Variants in ANKHD1 observed in about 807,000 individuals in gnomAD.
ANKHD1 encodes ankyrin repeat and KH domain containing 1.
ANKHD1 carries 31 observed loss-of-function variants against 230.5 expected under a neutral mutation model. That is an observed-to-expected ratio of 0.13 (90% CI 0.10 to 0.18). ANKHD1 has a LOEUF of 0.18. Among genes scored for constraint, ANKHD1 ranks in the 10% least tolerant of loss-of-function variants. ANKHD1 has a pLI of 1.00. For missense variants in ANKHD1, 2,256 were observed against 3,071.3 expected (o/e 0.73, Z 6.27); for synonymous variants, 1,074 against 1,117.6 (o/e 0.96, Z 0.78).
At chr5:140,535,291 G>T in intron 29 of ANKHD1, 71 bp from the exon 30 acceptor site, 1 of 1,492,318 alleles carries the variant, frequency 6.7e-7, no homozygotes, top group South Asian at 1.4e-5. Flanking sequence ...TCTCACTTTG[G>T]TGGAAGTCTT....
At position 140,529,679 on chromosome 5, in the gene ANKHD1, G is replaced by A; in HGVS notation, c.6733G>A (p.Val2245Ile). 1 of 1,614,186 alleles carries A rather than the reference G, an allele frequency of 6.2e-7. No individual in the cohort carries two copies. Among genetic ancestry groups the A allele is most frequent in the Non-Finnish European group, 8.5e-7 (1 of 1,180,046 alleles). The change falls in exon 29 of 34, where the codon GTT (valine) becomes ATT (isoleucine). Residue 2245 changes from valine to isoleucine, a missense_variant. By Grantham distance (29) the Val-to-Ile change is conservative. Transcript: ENST00000360839. ...SRVATDASFT[V>I]QSAFLGNSVL... ...AGTTGCTACAGATGCCTCTTTCACTGTTCAGTCAGCGTTCCTGGGTAACTC... is the reference window on the plus strand; with the variant it reads ...AGTTGCTACAGATGCCTCTTTCACTATTCAGTCAGCGTTCCTGGGTAACTC...
intron 10 of ANKHD1, among the ~76,000 whole-genome samples, chr5:140,469,632 C>G (rs1193271820): frequency 2.0e-5 from 3 of 151,994 alleles, no homozygotes; most frequent in African/African-American, 7.2e-5. Flanking sequence ...TGTGAAGACA[C>G]CATTTACAAA....
At position 140,449,230 on chromosome 5, in the gene ANKHD1, C is replaced by G. The variant is rs1389344601; in HGVS notation, c.1167C>G (p.Arg389=). 1 of 1,612,794 alleles carries G rather than the reference C, an allele frequency of 6.2e-7. No homozygotes were observed. Among genetic ancestry groups the G allele is most frequent in the Non-Finnish European group, 8.5e-7 (1 of 1,179,382 alleles). ...TTCAAGGCCATTTGGATATGGTTCG[C>G]TTTCTACTTGAAGCTGGTGCAGATC... ...ACYKGHLDMV[R]FLLEAGADQE... is the part of the protein sequence containing the mutation. Residue 389 remains arginine (R), a synonymous_variant, in exon 7 of 34, where the codon CGC becomes CGG. Coordinates refer to ENST00000360839, the MANE Select transcript of ANKHD1 (RefSeq NM_017747.3).
At chr5:140,463,090 C>T (rs1208545499) in intron 9 of ANKHD1, among the ~76,000 whole-genome samples, 1 of 152,044 alleles carries the variant, frequency 6.6e-6, no homozygotes, top group African/African-American at 2.4e-5. Context: ...CTCAAGCAGT[C>T]CTCTCACTTT....
chr5:140,526,408 A>C lies in ANKHD1; in HGVS notation c.4905A>C (p.Glu1635Asp). ...CACTGCTCCTTCATTCCCAAGAAGA[A>C]AAGACAAGTACTGCTACTTCCAAAA... ...YPSLLLHSQE[E>D]KTSTATSKTQ... The change falls in exon 26 of 34, where the codon GAA becomes GAC. Residue 1635 changes from glutamate (E) to aspartate (D), a missense_variant. Physicochemically the swap from Glu to Asp is conservative, Grantham distance 45. Transcript: ENST00000360839. The C allele has an allele frequency of 2.5e-6, 4 of 1,613,710 alleles. No homozygotes were observed. Among genetic ancestry groups the C allele is most frequent in the Non-Finnish European group, 2.5e-6 (3 of 1,179,864 alleles).
Position 140,459,503 on chromosome 5 carries a change from G to C in ANKHD1, c.1672+148G>C, listed in dbSNP as rs1320756068. The C allele has an allele frequency of 4.7e-6, 5 of 1,054,574 alleles. No individual in the cohort carries two copies. The African/African-American group carries it at 8.1e-5, about 17-fold the overall frequency. The allele number at this position is 1,054,574 out of a possible 1,614,324, so 65.3% of individuals were successfully genotyped here. On this transcript the variant is annotated intron_variant, in intron 9 of 33. Transcript: ENST00000360839. ...TGAGGGTGGGAGGAGAGTACACAAGGAGAGGGGAAATGTTGATCAAAGGGT... is the reference window on the plus strand; with the variant it reads ...TGAGGGTGGGAGGAGAGTACACAAGCAGAGGGGAAATGTTGATCAAAGGGT...
rs1219524703 is a variant in ANKHD1 at position 140,402,092 on chromosome 5, G to A, written c.125G>A (p.Arg42His). 3.3e-6 allele frequency: 5 copies of A among 1,517,116 alleles called. No homozygotes were observed. The highest frequency in any genetic ancestry group is 2.5e-5 in the East Asian group (1 of 39,700). The allele number at this position is 1,517,116 out of a possible 1,614,324, so 94.0% of individuals were successfully genotyped here. A position where few individuals can be genotyped will look rare whatever the true frequency, so the allele number is the denominator to read the frequency against. ...CCGGGAGGGGTCGGTCTGGGGATCC[G>A]CACCGTGAGGCTCTTTGGGGAGGCC... ...PPPGGVGLGI[R>H]TVRLFGEAGP... The change falls in exon 1 of 34, where the codon CGC (arginine) becomes CAC (histidine). Residue 42 changes from arginine (R) to histidine (H), a missense_variant. Transcript: ENST00000360839.
At chr5:140,460,066 G>C in intron 9 of ANKHD1, among the ~76,000 whole-genome samples, 1 of 152,216 alleles carries the variant, frequency 6.6e-6, no homozygotes, top group South Asian at 2.1e-4. Context: ...AATAAGAGGA[G>C]GTGGGGATGA....
At chr5:140,509,078 G>A (rs971440603) in intron 20 of ANKHD1, among the ~76,000 whole-genome samples, 4 of 152,118 alleles carry the variant, frequency 2.6e-5, no homozygotes, top group South Asian at 2.1e-4. Context: ...AAGTAATGAG[G>A]AAGTGTAGTT....
Position 140,497,292 on chromosome 5 carries a change from T to C in ANKHD1, c.3004+14T>C, listed in dbSNP as rs751734998. 2.5e-6 allele frequency: 4 copies of C among 1,583,316 alleles called. No individual in the cohort carries two copies. Among genetic ancestry groups the C allele is most frequent in the Non-Finnish European group, 3.4e-6 (4 of 1,171,806 alleles). ...ACCTGATAGCAGGTGGGTTAAGAAA[T>C]ATATCTGTAATAATTTCTCTTTAAT... is the stretch of plus-strand genomic sequence containing the variant. On this transcript the variant is annotated intron_variant, in intron 15 of 33. Transcript: ENST00000360839.
At chr5:140,417,782 A>G (rs111963300) in intron 1 of ANKHD1, among the ~76,000 whole-genome samples, 2,419 of 150,964 alleles carry the variant, frequency 0.016, 73 homozygotes, top group African/African-American at 0.055. Flanking sequence ...ATATAATTTC[A>G]AACTTACTGG....
At chr5:140,514,807 C>T (rs1561818074) in intron 24 of ANKHD1, among the ~76,000 whole-genome samples, 4 of 151,882 alleles carry the variant, frequency 2.6e-5, no homozygotes, top group Admixed American at 1.3e-4. Flanking sequence ...CTTGCCTCTA[C>T]TAAAAGTTTA....
chr5:140,421,307 T>C (rs1296733304), intron 1 of ANKHD1, among the ~76,000 whole-genome samples: 3 of 149,008 alleles, frequency 2.0e-5, no homozygotes, highest in African/African-American at 4.9e-5. Flanking sequence ...TTTTTTTTTT[T>C]TTTTTTTTTT....
chr5:140,526,896 T>C (rs1469466095), intron 26 of ANKHD1, 32 bp from the exon 27 acceptor site: 3 of 1,588,244 alleles, frequency 1.9e-6, no homozygotes, highest in South Asian at 1.2e-5. Context: ...AAAACTTATC[T>C]TTTATTGTAC....
chr5:140,438,555 A>AGCT lies in ANKHD1; in HGVS notation c.564_566dup (p.Ala189dup), dbSNP rs1203750004. The AGCT allele has an allele frequency of 6.2e-7, 1 of 1,613,410 alleles. No homozygotes were observed. The highest frequency in any genetic ancestry group is 2.2e-5 in the East Asian group (1 of 44,864). On this transcript the variant is annotated inframe_insertion, in exon 3 of 34. Coordinates refer to ENST00000360839, the MANE Select transcript of ANKHD1 (RefSeq NM_017747.3). The stretch of plus-strand genomic sequence containing the variant: ...CCTCAGTTAGTTGTGCACTGGATGA[A>AGCT]GCTGCTGCTGCACTGACACGGATGA...
intron 14 of ANKHD1, among the ~76,000 whole-genome samples, chr5:140,495,339 G>T (rs540947643): frequency 6.6e-6 from 1 of 150,972 alleles, no homozygotes; most frequent in Admixed American, 6.6e-5. Flanking sequence ...TCCGCCTCCC[G>T]GGTTCACGCC....
At chr5:140,454,324 A>G (rs1005465355) in intron 7 of ANKHD1, among the ~76,000 whole-genome samples, 3 of 152,120 alleles carry the variant, frequency 2.0e-5, no homozygotes, top group East Asian at 1.9e-4. Context: ...TTAACAAGGG[A>G]TATCCAGGAA....
chr5:140,458,722 G>T lies in ANKHD1; in HGVS notation c.1340G>T (p.Cys447Phe), dbSNP rs756775082. ...GAATCTCCATTGACGCTAGCTGCCT[G>T]TGGAGGACATGTTGAATTGGCAGCT... ...SFESPLTLAA[C>F]GGHVELAALL... Residue 447 changes from cysteine (C) to phenylalanine (F), a missense_variant, in exon 8 of 34, where the codon TGT becomes TTT. Coordinates refer to ENST00000360839, the MANE Select transcript of ANKHD1 (RefSeq NM_017747.3). 1 of 1,613,470 alleles carries T rather than the reference G, an allele frequency of 6.2e-7. No individual in the cohort carries two copies.
intron 24 of ANKHD1, among the ~76,000 whole-genome samples, chr5:140,518,690 A>AG (rs1753166924): frequency 1.3e-5 from 2 of 152,252 alleles, no homozygotes; most frequent in African/African-American, 4.8e-5. Context: ...ACAAAACCAC[A>AG]TGATTATCTC....
Sources: allele counts gnomAD v4.1 joint callset (sites outside exome capture counted in the v4.1 genomes callset), GRCh38; gene constraint gnomAD v4.1.1; transcripts MANE v1.5; gene names NCBI Gene and HGNC (gene_info 2026-07-23, HGNC 2026-07-21).